Variants in PLCH1 observed in about 807,000 individuals in gnomAD.
PLCH1 encodes 1-phosphatidylinositol 4,5-bisphosphate phosphodiesterase eta-1.
PLCH1 carries 60 observed loss-of-function variants against 126.7 expected under a neutral mutation model. The ratio of observed to expected loss-of-function variants is 0.47; its 90% CI spans 0.38 to 0.59. The LOEUF (loss-of-function observed/expected upper bound fraction) is 0.59, where lower values mean the gene tolerates loss of function less well. PLCH1 is among the 20% of genes least tolerant of loss of function. PLCH1 has a pLI of 0.00. For missense variants in PLCH1, 1,723 were observed against 2,040.0 expected, an observed-to-expected ratio of 0.84 and a Z score of 2.99; for synonymous variants, 719 against 734.9, an observed-to-expected ratio of 0.98 and a Z score of 0.35.
At chr3:155,632,886 G>T (rs563092204) in intron 2 of PLCH1, among the ~76,000 whole-genome samples, 1 of 152,096 alleles carries the variant, frequency 6.6e-6, no homozygotes, top group Non-Finnish European at 1.5e-5. Flanking sequence ...AGGCTATGCT[G>T]ATCTCCAAAG....
Position 155,557,747 on chromosome 3 carries a change from G to A in PLCH1, c.1070-3551C>T, listed in dbSNP as rs1727021088. Among the ~76,000 whole-genome samples the A allele has an allele frequency of 2.0e-5, 3 of 152,090 alleles. No homozygotes were observed. The South Asian group carries it at 6.2e-4, about 32-fold the overall frequency. ...TTTTTCAATCAGGTTACACACTATG[G>A]AACCCCAAAAGCAAAGCAACTCCAA... On this transcript the variant is annotated intron_variant, in intron 8 of 22. Transcript: ENST00000460012.
intron 6 of PLCH1, among the ~76,000 whole-genome samples, chr3:155,577,203 G>A (rs577552169): frequency 9.9e-5 from 15 of 152,112 alleles, no homozygotes; most frequent in South Asian, 4.2e-4. Flanking sequence ...GAGTTTATAC[G>A]ATCCATGATC....
At chr3:155,711,860 G>A (rs757920255) in intron 1 of PLCH1, among the ~76,000 whole-genome samples, 1 of 152,118 alleles carries the variant, frequency 6.6e-6, no homozygotes, top group South Asian at 2.1e-4. Flanking sequence ...AAGTTGCAAG[G>A]TCTAAGCTTC....
intron 2 of PLCH1, among the ~76,000 whole-genome samples, chr3:155,614,320 A>G (rs564033117): frequency 4.3e-4 from 65 of 152,330 alleles, no homozygotes; most frequent in African/African-American, 1.5e-3. Context: ...TGGAACCAAA[A>G]AAGAGCCCAC....
chr3:155,586,131 C>T lies in PLCH1; in HGVS notation c.534G>A (p.Glu178=). 6.2e-7 allele frequency: 1 copy of T among 1,612,628 alleles called. No homozygotes were observed. Among genetic ancestry groups the T allele is most frequent in the Admixed American group, 1.7e-5 (1 of 60,022 alleles). Residue 178 remains glutamate, a synonymous_variant, in exon 5 of 23, where the codon GAG becomes GAA. Coordinates refer to ENST00000460012, the MANE Select transcript of PLCH1 (RefSeq NM_014996.4). ...KNGDGLLNIE[E]IHQLMHKLNV... is the part of the protein sequence containing the mutation. Reference sequence around the variant, plus strand: ...TCAGTTTATGCATCAGCTGATGTATCTCTTCAATATTCAGCAAGCCGTCAC... The same window carrying T: ...TCAGTTTATGCATCAGCTGATGTATTTCTTCAATATTCAGCAAGCCGTCAC...
intron 2 of PLCH1, among the ~76,000 whole-genome samples, chr3:155,614,812 A>C (rs2108747771): frequency 6.6e-6 from 1 of 152,276 alleles, no homozygotes; most frequent in South Asian, 2.1e-4. Context: ...TAAATCTAAG[A>C]CCTGAAACCA....
chr3:155,537,231 A>AAAG (rs1560128342), intron 10 of PLCH1, among the ~76,000 whole-genome samples: 1 of 31,606 alleles, frequency 3.2e-5, no homozygotes, highest in Non-Finnish European at 1.0e-4. Flanking sequence ...AAAAAAAAAA[A>AAAG]AACCTAAAAG....
chr3:155,712,696 C>T (rs1293257336), intron 1 of PLCH1, among the ~76,000 whole-genome samples: 1 of 151,884 alleles, frequency 6.6e-6, no homozygotes, highest in Non-Finnish European at 1.5e-5. Context: ...GCTGAGGTGG[C>T]ACTATTGCAC....
intron 10 of PLCH1, 145 bp downstream of exon 10, chr3:155,549,642 G>T: frequency 1.7e-6 from 1 of 588,308 alleles, no homozygotes; most frequent in Non-Finnish European, 3.0e-6. Context: ...AAAAAAATTG[G>T]AATAAGGCGC....
Position 155,480,119 on chromosome 3 carries a change from C to T in PLCH1, c.*849G>A, listed in dbSNP as rs991334013. Reference sequence around the variant, plus strand: ...ATTATGAGAAAATATTCTGTGAAAGCTTTGGGGAAGTTTTCAATTTGTGCT... The same window carrying T: ...ATTATGAGAAAATATTCTGTGAAAGTTTTGGGGAAGTTTTCAATTTGTGCT... On this transcript the variant is annotated 3_prime_UTR_variant, in exon 23 of 23. Transcript: ENST00000460012. 2 of 152,518 alleles carry T rather than the reference C, an allele frequency of 1.3e-5. No individual in the cohort carries two copies. Among genetic ancestry groups the T allele is most frequent in the African/African-American group, 4.8e-5 (2 of 41,398 alleles). 9.4% of individuals were successfully genotyped at this position (152,518 alleles called of 1,614,324 possible).
intron 8 of PLCH1, among the ~76,000 whole-genome samples, chr3:155,562,826 T>A (rs1560169898): frequency 6.6e-6 from 1 of 152,066 alleles, no homozygotes; most frequent in Admixed American, 6.6e-5. Flanking sequence ...AAAACAAACC[T>A]ATATTATTTC....
intron 2 of PLCH1, among the ~76,000 whole-genome samples, chr3:155,614,442 A>T (rs1353575551): frequency 3.3e-5 from 5 of 152,152 alleles, no homozygotes; most frequent in African/African-American, 1.2e-4. Context: ...CTGATATAAA[A>T]ACAGGCACAC....
intron 2 of PLCH1, among the ~76,000 whole-genome samples, chr3:155,666,893 GGTGTGTGTGT>G (rs3220185): frequency 0.1 from 14,940 of 148,674 alleles, 781 homozygotes; most frequent in African/African-American, 0.13. Context: ...ACACAGATGA[GGTGTGTGTGT>G]GTGTGTGTGT....
At chr3:155,633,827 C>T (rs1333569015) in intron 2 of PLCH1, among the ~76,000 whole-genome samples, 1 of 151,990 alleles carries the variant, frequency 6.6e-6, no homozygotes, top group African/African-American at 2.4e-5. Flanking sequence ...GGCTGAGGCA[C>T]GAGAACCACT....
intron 2 of PLCH1, among the ~76,000 whole-genome samples, chr3:155,602,713 A>G (rs4680196): frequency 0.2 from 30,984 of 152,134 alleles, 4,071 homozygotes; most frequent in African/African-American, 0.37. Flanking sequence ...GGTACAATAA[A>G]AATATGGTAT....
intron 2 of PLCH1, among the ~76,000 whole-genome samples, chr3:155,628,960 A>G (rs1465118317): frequency 1.3e-5 from 2 of 152,196 alleles, no homozygotes; most frequent in African/African-American, 4.8e-5. Flanking sequence ...AACTCTGCCA[A>G]CTGCAAGCCC....
intron 2 of PLCH1, among the ~76,000 whole-genome samples, chr3:155,599,755 TATAC>T (rs1024560459): frequency 3.3e-5 from 5 of 152,176 alleles, no homozygotes; most frequent in African/African-American, 1.2e-4. Flanking sequence ...CTGAGTTAAC[TATAC>T]TATCAGAGAT....
At chr3:155,699,509 G>C (rs1276253383) in intron 2 of PLCH1, among the ~76,000 whole-genome samples, 1 of 152,128 alleles carries the variant, frequency 6.6e-6, no homozygotes, top group African/African-American at 2.4e-5. Flanking sequence ...GCTAGGCTTT[G>C]ATTCAGTAAA....
intron 1 of PLCH1, among the ~76,000 whole-genome samples, chr3:155,709,019 G>T (rs949939252): frequency 2.0e-5 from 3 of 152,148 alleles, no homozygotes; most frequent in African/African-American, 7.2e-5. Flanking sequence ...ATGTCTTATG[G>T]TTGGAATCAC....
Sources: allele counts gnomAD v4.1 joint callset (sites outside exome capture counted in the v4.1 genomes callset), GRCh38; gene constraint gnomAD v4.1.1; transcripts MANE v1.5; gene names NCBI Gene and HGNC (gene_info 2026-07-23, HGNC 2026-07-21).